TEX9: variants seen among roughly 807,000 people sequenced by gnomAD.
TEX9 encodes testis-expressed protein 9.
TEX9 carries 74 observed loss-of-function variants against 59.6 expected under a neutral mutation model. That is an observed-to-expected ratio of 1.24 (90% CI 1.03 to 1.51). The LOEUF (loss-of-function observed/expected upper bound fraction) is 1.51. Among genes scored for constraint, TEX9 ranks in the 40% most tolerant of loss-of-function variants. The probability of loss-of-function intolerance (pLI) is 0.00; values close to 1 mark genes in which losing one functional copy is unlikely to be tolerated. For synonymous variants in TEX9, 186 were observed against 152.2 expected, an observed-to-expected ratio of 1.22 and a Z score of -1.64; for missense variants, 522 against 447.8, an observed-to-expected ratio of 1.17 and a Z score of -1.49.
exon 5 of TEX9, chr15:56,388,493 G>C: frequency 1.9e-6 from 3 of 1,611,432 alleles, no homozygotes; most frequent in Non-Finnish European, 2.5e-6. Context: ...CATCTGAAGG[G>C]ATAGTTCATC....
chr15:56,333,407 A>G (rs372450909), intron 1 of TEX9, among the ~76,000 whole-genome samples: 32 of 151,842 alleles, frequency 2.1e-4, no homozygotes, highest in African/African-American at 6.8e-4. Context: ...AGAATGAAGG[A>G]AAAAAAACCA....
chr15:56,383,603 T>C (rs2047832340), intron 3 of TEX9, among the ~76,000 whole-genome samples: 1 of 152,224 alleles, frequency 6.6e-6, no homozygotes, highest in Non-Finnish European at 1.5e-5. Flanking sequence ...ACCCATTTAG[T>C]GAATTTATTT....
chr15:56,325,418 G>A (rs1446040292), intron 1 of TEX9, among the ~76,000 whole-genome samples: 1 of 152,114 alleles, frequency 6.6e-6, no homozygotes, highest in Non-Finnish European at 1.5e-5. Context: ...AAGGACAAAA[G>A]ACTCGAGATT....
intron 1 of TEX9, among the ~76,000 whole-genome samples, chr15:56,356,951 T>C (rs1266081307): frequency 6.6e-6 from 1 of 152,116 alleles, no homozygotes; most frequent in Non-Finnish European, 1.5e-5. Context: ...TGGCAGCAAT[T>C]GTAGTGATCT....
intron 1 of TEX9, among the ~76,000 whole-genome samples, chr15:56,312,750 C>T (rs2141636741): frequency 8.6e-6 from 1 of 115,948 alleles, no homozygotes; most frequent in South Asian, 3.4e-4. Context: ...TGGCCATTTT[C>T]ATGATATTGA....
At chr15:56,305,320 G>T (rs1453668563) in intron 1 of TEX9, among the ~76,000 whole-genome samples, 1 of 151,846 alleles carries the variant, frequency 6.6e-6, no homozygotes, top group Admixed American at 6.6e-5. Flanking sequence ...GAATGGCCAA[G>T]GTCACCTTGA....
intron 1 of TEX9, among the ~76,000 whole-genome samples, chr15:56,357,359 T>C (rs2046703977): frequency 6.6e-6 from 1 of 152,172 alleles, no homozygotes; most frequent in Non-Finnish European, 1.5e-5. Flanking sequence ...TCCTCTTGGC[T>C]GCTTTAAAGA....
chr15:56,443,639 G>A (rs747033452), intron 12 of TEX9: 53 of 1,609,846 alleles, frequency 3.3e-5, no homozygotes, highest in Non-Finnish European at 4.0e-5. Flanking sequence ...TTTTAATACC[G>A]CATTCTGAAG....
At chr15:56,419,791 C>T (rs1366147159) in intron 10 of TEX9, among the ~76,000 whole-genome samples, 1 of 151,802 alleles carries the variant, frequency 6.6e-6, no homozygotes, top group Non-Finnish European at 1.5e-5. Context: ...AAATGAACTT[C>T]CAAATCATTC....
intron 3 of TEX9, among the ~76,000 whole-genome samples, 187 bp from the exon 4 acceptor site, chr15:56,383,765 C>G (rs537556251): frequency 1.3e-4 from 20 of 152,250 alleles, no homozygotes; most frequent in African/African-American, 4.8e-4. Context: ...TAACCCAGAA[C>G]AAATGAAAGG....
chr15:56,373,124 G>A (rs138109651), intron 2 of TEX9, among the ~76,000 whole-genome samples: 1 of 152,290 alleles, frequency 6.6e-6, no homozygotes, highest in Admixed American at 6.5e-5. Flanking sequence ...GGCTAATAAC[G>A]AGGAGGTGGT....
intron 1 of TEX9, among the ~76,000 whole-genome samples, chr15:56,264,522 T>C (rs2044336854): frequency 1.3e-5 from 2 of 152,214 alleles, no homozygotes; most frequent in Non-Finnish European, 2.9e-5. Flanking sequence ...TTTCTCTCAG[T>C]CTGTTGCTTG....
At chr15:56,302,816 C>G (rs1219003388) in intron 1 of TEX9, among the ~76,000 whole-genome samples, 1 of 152,144 alleles carries the variant, frequency 6.6e-6, no homozygotes, top group Non-Finnish European at 1.5e-5. Flanking sequence ...TTCCAAGAAA[C>G]ACACTTCACC....
At chr15:56,378,089 G>A (rs2682041) in intron 3 of TEX9, among the ~76,000 whole-genome samples, 70,403 of 151,918 alleles carry the variant, frequency 0.46, 16,503 homozygotes, top group South Asian at 0.64. Context: ...ATGACAAATG[G>A]TCTTTTTAAT....
In TEX9 at chr15:56,427,745, T is replaced by C; in HGVS notation, c.1098+6T>C. The C allele has an allele frequency of 6.9e-7, 1 of 1,451,270 alleles. No individual in the cohort carries two copies. The highest frequency in any genetic ancestry group is 9.1e-7 in the Non-Finnish European group (1 of 1,094,260). 89.9% of individuals were successfully genotyped at this position (1,451,270 alleles called of 1,614,324 possible). ...ATGTTTTAAAAAGGCAAAAGGTGAG[T>C]CTATCATTAAAGTTAAATCATCATA... On this transcript the variant is annotated splice_donor_region_variant and intron_variant, in intron 11 of 12. Transcript: ENST00000352903.
intron 1 of TEX9, among the ~76,000 whole-genome samples, chr15:56,271,130 G>A (rs1270663931): frequency 2.0e-5 from 3 of 151,976 alleles, no homozygotes; most frequent in East Asian, 1.9e-4. Context: ...TGCTCTTCTC[G>A]TGGAGTATCT....
intron 1 of TEX9, among the ~76,000 whole-genome samples, chr15:56,272,794 A>G (rs1054496406): frequency 6.6e-6 from 1 of 152,220 alleles, no homozygotes; most frequent in Non-Finnish European, 1.5e-5. Flanking sequence ...TTTACATTAA[A>G]TGAAATTATT....
intron 1 of TEX9, among the ~76,000 whole-genome samples, chr15:56,293,396 G>GA (rs1267332532): frequency 6.6e-6 from 1 of 152,042 alleles, no homozygotes; most frequent in Non-Finnish European, 1.5e-5. Context: ...TAAAAAGAAG[G>GA]AAAAAACAAA....
chr15:56,457,562 C>T, the TEX9 span, among the ~76,000 whole-genome samples: 2 of 152,250 alleles, frequency 1.3e-5, no homozygotes, highest in South Asian at 2.1e-4. Context: ...GTGGCTTACA[C>T]GTGTAATCCC....
Sources: gnomAD v4.1 joint callset for allele counts (sites outside exome capture counted in the v4.1 genomes callset) on GRCh38, gnomAD v4.1.1 for gene constraint, MANE v1.5 for transcripts, NCBI Gene and HGNC (gene_info 2026-07-23, HGNC 2026-07-21) for gene names.